Variants in PTPRR observed in about 807,000 individuals in gnomAD.
PTPRR encodes the protein receptor-type tyrosine-protein phosphatase R.
Under a neutral mutation model 77.2 loss-of-function variants are expected in PTPRR, and 38 were observed. That is an observed-to-expected ratio of 0.49 (90% confidence interval 0.38 to 0.65). PTPRR has a LOEUF of 0.65. Ranked by LOEUF, PTPRR falls within the 30% of genes least tolerant of loss-of-function variation. PTPRR has a pLI of 0.00. For missense variants in PTPRR, 744 were observed against 799.2 expected, an observed-to-expected ratio of 0.93 and a Z score of 0.83; for synonymous variants, 299 against 283.1, an observed-to-expected ratio of 1.06 and a Z score of -0.57.
intron 10 of PTPRR, chr12:70,673,018 C>T (rs552735366): frequency 1.0e-4 from 98 of 973,326 alleles, no homozygotes; most frequent in Middle Eastern, 4.4e-4. Context: ...TCAATAAATA[C>T]GTCGGGCCAA....
At chr12:70,901,069 C>T (rs1399898518) in intron 1 of PTPRR, among the ~76,000 whole-genome samples, 2 of 151,490 alleles carry the variant, frequency 1.3e-5, no homozygotes, top group Non-Finnish European at 3.0e-5. Flanking sequence ...TCAAAATACT[C>T]CAACAAGCAT....
At chr12:70,870,666 A>T (rs529031012) in intron 2 of PTPRR, among the ~76,000 whole-genome samples, 1 of 152,326 alleles carries the variant, frequency 6.6e-6, no homozygotes, top group South Asian at 2.1e-4. Flanking sequence ...CAAAAAGTTA[A>T]CCATCCTAAG....
chr12:70,729,418 T>C (rs1283148410), intron 6 of PTPRR, among the ~76,000 whole-genome samples: 1 of 152,150 alleles, frequency 6.6e-6, no homozygotes, highest in Non-Finnish European at 1.5e-5. Flanking sequence ...TGAATTTGGA[T>C]TGGACTCTAG....
At chr12:70,769,498 A>C (rs2136979244) in intron 2 of PTPRR, among the ~76,000 whole-genome samples, 1 of 152,324 alleles carries the variant, frequency 6.6e-6, no homozygotes, top group Middle Eastern at 3.4e-3. Flanking sequence ...CCACTGCTCA[A>C]TGAAATAAAA....
In PTPRR at chr12:70,698,394, C is replaced by T. The variant is rs371354044; in HGVS notation, c.1195-45G>A. ...CAAATTAGTGTATCTAATACTGCCA[C>T]AAAGAAAATCTTCACAGGGGGGCAT... is the stretch of plus-strand genomic sequence containing the variant. On this transcript the variant is annotated intron_variant, in intron 7 of 13. Coordinates refer to ENST00000283228, the MANE Select transcript of PTPRR (RefSeq NM_002849.4). 11 of 1,525,312 alleles carry T rather than the reference C, an allele frequency of 7.2e-6. No homozygotes were observed. In the African/African-American group the frequency reaches 1.5e-4, roughly 21 times the overall value. 94.5% of individuals were successfully genotyped at this position (1,525,312 alleles called of 1,614,324 possible). A position where few individuals can be genotyped will look rare whatever the true frequency, so the allele number is the denominator to read the frequency against.
In PTPRR at chr12:70,698,416, G is replaced by A. The variant is rs74101550; in HGVS notation, c.1195-67C>T. On this transcript the variant is annotated intron_variant, in intron 7 of 13. Transcript: ENST00000283228. ...CCACAAAGAAAATCTTCACAGGGGG[G>A]CATCTGATCCAGAGTTCTATTGGAC... The A allele has an allele frequency of 5.4e-3, 7,429 of 1,370,412 alleles. 308 individuals are homozygous for A. The African/African-American group carries it at 0.092, about 17-fold the overall frequency. The allele number at this position is 1,370,412 out of a possible 1,614,324, so 84.9% of individuals were successfully genotyped here. A position where few individuals can be genotyped will look rare whatever the true frequency, so the allele number is the denominator to read the frequency against.
intron 6 of PTPRR, among the ~76,000 whole-genome samples, chr12:70,726,016 G>T (rs992757013): frequency 6.6e-6 from 1 of 151,412 alleles, no homozygotes; most frequent in Non-Finnish European, 1.5e-5. Flanking sequence ...GATAGATGAT[G>T]ATCACAAGTG....
At chr12:70,729,131 T>C (rs1889561846) in intron 6 of PTPRR, among the ~76,000 whole-genome samples, 1 of 152,074 alleles carries the variant, frequency 6.6e-6, no homozygotes, top group Non-Finnish European at 1.5e-5. Flanking sequence ...TAAATACAGA[T>C]TATAGAAATA....
At chr12:70,770,891 A>T (rs1890955881) in intron 2 of PTPRR, among the ~76,000 whole-genome samples, 1 of 151,610 alleles carries the variant, frequency 6.6e-6, no homozygotes, top group Non-Finnish European at 1.5e-5. Context: ...ATTCTCAGTA[A>T]ACTATCACAA....
chr12:70,849,990 T>C (rs1488922035), intron 2 of PTPRR, among the ~76,000 whole-genome samples: 1 of 152,156 alleles, frequency 6.6e-6, no homozygotes, highest in Non-Finnish European at 1.5e-5. Context: ...TTCATTTCAG[T>C]TTTTCTATTC....
Position 70,698,412 on chromosome 12 carries a change from G to C in PTPRR, c.1195-63C>G, listed in dbSNP as rs73329578. On this transcript the variant is annotated intron_variant, in intron 7 of 13. Coordinates refer to ENST00000283228, the MANE Select transcript of PTPRR (RefSeq NM_002849.4). ...ACTGCCACAAAGAAAATCTTCACAG[G>C]GGGGCATCTGATCCAGAGTTCTATT... is the stretch of plus-strand genomic sequence containing the variant. 2.6e-4 allele frequency: 368 copies of C among 1,398,836 alleles called. 2 individuals carry two copies. In the African/African-American group the frequency reaches 4.3e-3, roughly 17 times the overall value. The allele number at this position is 1,398,836 out of a possible 1,614,324, so 86.7% of individuals were successfully genotyped here.
chr12:70,721,684 G>C (rs1056102641), intron 6 of PTPRR, among the ~76,000 whole-genome samples: 2 of 152,118 alleles, frequency 1.3e-5, no homozygotes, highest in African/African-American at 4.8e-5. Context: ...ATTCTGCACA[G>C]TATAGGATTC....
At chr12:70,816,373 A>G (rs1891902747) in intron 2 of PTPRR, among the ~76,000 whole-genome samples, 1 of 152,122 alleles carries the variant, frequency 6.6e-6, no homozygotes. Flanking sequence ...CCATAAAACA[A>G]TAACCTGGAA....
At chr12:70,764,555 C>A in intron 3 of PTPRR, 110 bp downstream of exon 3, 1 of 816,458 alleles carries the variant, frequency 1.2e-6, no homozygotes, top group Non-Finnish European at 2.0e-6. Flanking sequence ...AAAAACATGA[C>A]GTGCCGGATT....
intron 2 of PTPRR, among the ~76,000 whole-genome samples, chr12:70,771,570 G>A (rs907013934): frequency 6.6e-6 from 1 of 151,918 alleles, no homozygotes; most frequent in Non-Finnish European, 1.5e-5. Flanking sequence ...TTAAAAAGAT[G>A]GTATATTATA....
intron 2 of PTPRR, among the ~76,000 whole-genome samples, chr12:70,885,494 T>C (rs1893223112): frequency 1.3e-5 from 2 of 151,616 alleles, no homozygotes; most frequent in Non-Finnish European, 1.5e-5. Flanking sequence ...AAAGAATATA[T>C]AGAGAGAGCA....
intron 2 of PTPRR, among the ~76,000 whole-genome samples, chr12:70,854,121 C>G (rs1429301326): frequency 6.6e-6 from 1 of 152,182 alleles, no homozygotes; most frequent in Non-Finnish European, 1.5e-5. Context: ...CTAATTATTT[C>G]AAAGGCATAT....
intron 13 of PTPRR, among the ~76,000 whole-genome samples, chr12:70,642,273 T>A (rs1422839529): frequency 2.0e-5 from 3 of 152,186 alleles, no homozygotes; most frequent in African/African-American, 7.2e-5. Flanking sequence ...CTTTCTCCCA[T>A]CCTGTAATTA....
chr12:70,797,026 TGTC>T (rs1891527768), intron 2 of PTPRR, among the ~76,000 whole-genome samples: 1 of 152,112 alleles, frequency 6.6e-6, no homozygotes, highest in South Asian at 2.1e-4. Flanking sequence ...TAAAAAAAAT[TGTC>T]TAAACACATT....
Sources: gnomAD v4.1 joint callset for allele counts (sites outside exome capture counted in the v4.1 genomes callset) on GRCh38, gnomAD v4.1.1 for gene constraint, MANE v1.5 for transcripts, NCBI Gene and HGNC (gene_info 2026-07-23, HGNC 2026-07-21) for gene names.